DCC: variants seen among roughly 807,000 people sequenced by gnomAD.
The protein encoded by DCC is DCC netrin 1 receptor.
Under a neutral mutation model 172.5 loss-of-function variants are expected in DCC, and 58 were observed. The ratio of observed to expected loss-of-function variants is 0.34; its 90% CI spans 0.27 to 0.42. DCC has a LOEUF of 0.42. Among genes scored for constraint, DCC ranks in the 10% least tolerant of loss-of-function variants. DCC has a pLI of 1.00. For synonymous variants in DCC, 709 were observed against 644.5 expected, an observed-to-expected ratio of 1.10 and a Z score of -1.52; for missense variants, 1,740 against 1,791.0, an observed-to-expected ratio of 0.97 and a Z score of 0.51.
At chr18:53,493,729 A>AT (rs1398443927) in intron 26 of DCC, among the ~76,000 whole-genome samples, 2 of 151,518 alleles carry the variant, frequency 1.3e-5, no homozygotes, top group African/African-American at 2.4e-5. Flanking sequence ...TGATTCATTG[A>AT]TTTTTTGAAG....
At chr18:52,502,577 C>T (rs991823642) in intron 1 of DCC, among the ~76,000 whole-genome samples, 9 of 152,100 alleles carry the variant, frequency 5.9e-5, no homozygotes, top group Non-Finnish European at 1.0e-4. Flanking sequence ...TAGAATTGAT[C>T]CTTCCATCCA....
At chr18:53,259,520 A>G (rs934381238) in intron 12 of DCC, among the ~76,000 whole-genome samples, 1 of 152,140 alleles carries the variant, frequency 6.6e-6, no homozygotes, top group Non-Finnish European at 1.5e-5. Flanking sequence ...CTTTTCTTTA[A>G]GAATGTTGAA....
At chr18:53,143,581 T>G (rs1010958068) in intron 7 of DCC, among the ~76,000 whole-genome samples, 1 of 152,230 alleles carries the variant, frequency 6.6e-6, no homozygotes, top group Non-Finnish European at 1.5e-5. Context: ...CTTAGTGAAT[T>G]TCTTTAAATA....
At chr18:53,261,326 T>C (rs1291998846) in intron 12 of DCC, among the ~76,000 whole-genome samples, 1 of 152,200 alleles carries the variant, frequency 6.6e-6, no homozygotes, top group African/African-American at 2.4e-5. Flanking sequence ...GAGCTGTTCC[T>C]ATTCAGCCAT....
At chr18:52,807,705 G>A (rs560859738) in intron 2 of DCC, among the ~76,000 whole-genome samples, 10 of 152,188 alleles carry the variant, frequency 6.6e-5, no homozygotes, top group African/African-American at 2.2e-4. Flanking sequence ...CTCTGGACAG[G>A]TTTTTACCAG....
chr18:52,701,364 C>T (rs1332760525), intron 1 of DCC, among the ~76,000 whole-genome samples: 4 of 152,156 alleles, frequency 2.6e-5, no homozygotes, highest in African/African-American at 9.7e-5. Context: ...CTTGGGGCTT[C>T]TTTTCCTGTA....
intron 1 of DCC, among the ~76,000 whole-genome samples, chr18:52,470,834 G>T (rs1379803179): frequency 6.6e-6 from 1 of 152,108 alleles, no homozygotes; most frequent in Non-Finnish European, 1.5e-5. Flanking sequence ...AAATGCTGAG[G>T]GCAGGGGCTG....
At chr18:53,108,563 T>A (rs780527025) in intron 7 of DCC, among the ~76,000 whole-genome samples, 3 of 151,840 alleles carry the variant, frequency 2.0e-5, no homozygotes, top group Non-Finnish European at 4.4e-5. Flanking sequence ...ATTTCTTTGA[T>A]AGATTGAAAA....
intron 7 of DCC, among the ~76,000 whole-genome samples, chr18:53,149,582 G>A (rs910414401): frequency 6.6e-6 from 1 of 152,078 alleles, no homozygotes. Flanking sequence ...TCTTTAAAAG[G>A]CACTTTCCTA....
intron 13 of DCC, among the ~76,000 whole-genome samples, chr18:53,313,843 C>G (rs1043974476): frequency 5.9e-5 from 9 of 152,190 alleles, no homozygotes; most frequent in Admixed American, 3.3e-4. Flanking sequence ...ATAGTCCAAG[C>G]TTTAACTAAA....
intron 2 of DCC, among the ~76,000 whole-genome samples, chr18:52,869,049 G>T (rs775223088): frequency 6.6e-6 from 1 of 152,250 alleles, no homozygotes; most frequent in Non-Finnish European, 1.5e-5. Context: ...GGCTCTTGAA[G>T]CTCCCAGGTC....
At chr18:53,046,070 G>A (rs1200270174) in intron 5 of DCC, among the ~76,000 whole-genome samples, 1 of 151,678 alleles carries the variant, frequency 6.6e-6, no homozygotes, top group Non-Finnish European at 1.5e-5. Context: ...TTATCTTCAG[G>A]TAGATAACTA....
chr18:53,324,474 A>G (rs1263932373), intron 14 of DCC, among the ~76,000 whole-genome samples: 4 of 150,532 alleles, frequency 2.7e-5, no homozygotes, highest in African/African-American at 9.9e-5. Context: ...AGCATGGTAG[A>G]GGGGATAGCA....
chr18:53,505,119 CATTTTA>C (rs2046155353), intron 27 of DCC: 1 of 152,052 alleles, frequency 6.6e-6, no homozygotes, highest in South Asian at 2.1e-4. Context: ...TTTGAGTAAA[CATTTTA>C]TTCCTTTATG....
At chr18:52,666,325 A>T (rs146351813) in intron 1 of DCC, among the ~76,000 whole-genome samples, 244 of 152,256 alleles carry the variant, frequency 1.6e-3, no homozygotes, top group Middle Eastern at 3.4e-3. Context: ...TAAGAAATTC[A>T]TACAGACTAA....
At chr18:52,447,241 A>G (rs1302388080) in intron 1 of DCC, among the ~76,000 whole-genome samples, 1 of 152,204 alleles carries the variant, frequency 6.6e-6, no homozygotes, top group African/African-American at 2.4e-5. Flanking sequence ...TAACCATTTG[A>G]TATGGTTATC....
intron 27 of DCC, among the ~76,000 whole-genome samples, chr18:53,517,314 G>A (rs8093773): frequency 0.14 from 20,574 of 151,258 alleles, 1,625 homozygotes; most frequent in Admixed American, 0.25. Context: ...GGGGGGAGGC[G>A]GGAGGAATAG....
chr18:53,340,555 C>A (rs1210520055), intron 15 of DCC, among the ~76,000 whole-genome samples: 2 of 152,054 alleles, frequency 1.3e-5, no homozygotes, highest in African/African-American at 4.8e-5. Context: ...TTACTGAATA[C>A]AATACTTCAG....
chr18:52,799,780 T>C (rs17469528), intron 2 of DCC, among the ~76,000 whole-genome samples: 5,174 of 152,296 alleles, frequency 0.034, 128 homozygotes, highest in Admixed American at 0.048. Context: ...GCAGCTTGAT[T>C]TCTGATACTT....
Sources: gnomAD v4.1 joint callset for allele counts (sites outside exome capture counted in the v4.1 genomes callset) on GRCh38, gnomAD v4.1.1 for gene constraint, MANE v1.5 for transcripts, NCBI Gene and HGNC (gene_info 2026-07-23, HGNC 2026-07-21) for gene names.